Variants in EVC2 observed in about 807,000 individuals in gnomAD.
The protein encoded by EVC2 is limbin.
In EVC2, 148 loss-of-function variants were observed where a neutral mutation model predicts 149.3. The ratio of observed to expected loss-of-function variants is 0.99; its 90% confidence interval spans 0.87 to 1.14. EVC2 has a LOEUF of 1.14. Ranked by LOEUF, EVC2 falls within the 50% of genes most tolerant of loss-of-function variation. EVC2 has a pLI of 0.00. For synonymous variants in EVC2, 776 were observed against 649.9 expected, an observed-to-expected ratio of 1.19 and a Z score of -2.95; for missense variants, 1,854 against 1,627.3, an observed-to-expected ratio of 1.14 and a Z score of -2.40.
At chr4:5,660,284 T>C (rs984553234) in intron 9 of EVC2, among the ~76,000 whole-genome samples, 6 of 152,204 alleles carry the variant, frequency 3.9e-5, no homozygotes, top group African/African-American at 1.4e-4. Flanking sequence ...GCTCCAAGCC[T>C]GGCTCTTCAC....
At chr4:5,695,491 C>T (rs896956397) in intron 2 of EVC2, among the ~76,000 whole-genome samples, 6 of 152,228 alleles carry the variant, frequency 3.9e-5, no homozygotes, top group African/African-American at 1.4e-4. Flanking sequence ...GTCAGGGTCC[C>T]TCTTCAGTGG....
rs775806827 is a variant in EVC2 at position 5,565,367 on chromosome 4, C to A, written c.3558-8G>T. 3 of 1,613,610 alleles carry A rather than the reference C, an allele frequency of 1.9e-6. No homozygotes were observed. The South Asian group carries it at 3.3e-5, about 18-fold the overall frequency. On this transcript the variant is annotated splice_polypyrimidine_tract_variant and splice_region_variant and intron_variant, in intron 20 of 21. Transcript: ENST00000344408. Reference sequence around the variant, plus strand: ...CACCAGCTCTGGTGTTTCCTGCAGGCAAGAAGGGAGTCTTATAGTTTCAAA... The same window carrying A: ...CACCAGCTCTGGTGTTTCCTGCAGGAAAGAAGGGAGTCTTATAGTTTCAAA...
In EVC2 at chr4:5,661,532, C is replaced by T. The variant is rs115592816; in HGVS notation, c.1145+1575G>A. Among the ~76,000 whole-genome samples the T allele has an allele frequency of 1.9e-3, 292 of 152,242 alleles. 1 individual carries two copies. Among genetic ancestry groups the T allele is most frequent in the Middle Eastern group, 6.8e-3 (2 of 294 alleles). On this transcript the variant is annotated intron_variant, in intron 9 of 21. Coordinates refer to ENST00000344408, the MANE Select transcript of EVC2 (RefSeq NM_147127.5). ...CACAGAACGAGGGTACAGATAATAA[C>T]GTCTTCAGTCAGACACTTCAAAATA...
chr4:5,565,120 T>C (rs1308879448), intron 21 of EVC2, 138 bp downstream of exon 21: 6 of 787,662 alleles, frequency 7.6e-6, no homozygotes, highest in Admixed American at 1.9e-5. Flanking sequence ...TGAATAAAGA[T>C]TTGTGGTCTT....
chr4:5,553,281 G>A (rs2369860), intron 21 of EVC2, among the ~76,000 whole-genome samples: 76,581 of 151,922 alleles, frequency 0.5, 21,815 homozygotes, highest in Non-Finnish European at 0.66. Context: ...CAGATCTTGC[G>A]AGCACTCACT....
At position 5,628,562 on chromosome 4, in the gene EVC2, T is replaced by A; in HGVS notation, c.1883A>T (p.Glu628Val). 6.2e-7 allele frequency: 1 copy of A among 1,614,122 alleles called. No homozygotes were observed. Among genetic ancestry groups the A allele is most frequent in the Non-Finnish European group, 8.5e-7 (1 of 1,180,030 alleles). ...AQLTHLIQKH[E>V]RAGYLDEDQM... The stretch of plus-strand genomic sequence containing the variant: ...TTGGGACAGTGTTGAGTGGTACCTC[T>A]CGTGCTTCTGAATGAGGTGAGTCAG... The change falls in exon 12 of 22, where the codon GAG becomes GTG. Residue 628 changes from glutamate to valine, a missense_variant. Coordinates refer to ENST00000344408, the MANE Select transcript of EVC2 (RefSeq NM_147127.5).
In EVC2 at chr4:5,587,957, T is replaced by C. The variant is rs60181268; in HGVS notation, c.2830-3107A>G. On this transcript the variant is annotated intron_variant, in intron 16 of 21. Coordinates refer to ENST00000344408, the MANE Select transcript of EVC2 (RefSeq NM_147127.5). The stretch of plus-strand genomic sequence containing the variant: ...TCTGCCTTTTAGTTTTTACTTCTTC[T>C]TTCTTTGGAGGCAGAAATTGGGCAT... Among the ~76,000 whole-genome samples, 412 of 152,260 alleles carry C rather than the reference T, an allele frequency of 2.7e-3. 2 individuals carry two copies. Among genetic ancestry groups the C allele is most frequent in the African/African-American group, 8.0e-3 (334 of 41,540 alleles).
chr4:5,682,280 C>T (rs1048658007), intron 6 of EVC2, among the ~76,000 whole-genome samples: 2 of 151,986 alleles, frequency 1.3e-5, no homozygotes, highest in African/African-American at 2.4e-5. Context: ...CACCTGAGGT[C>T]AGGAGTTCAA....
intron 19 of EVC2, among the ~76,000 whole-genome samples, chr4:5,574,208 C>A (rs1722788453): frequency 6.6e-6 from 1 of 152,214 alleles, no homozygotes; most frequent in Non-Finnish European, 1.5e-5. Context: ...CTGCATAAGG[C>A]TCCGTGCACA....
intron 7 of EVC2, among the ~76,000 whole-genome samples, chr4:5,666,001 T>C (rs953187732): frequency 1.3e-5 from 2 of 152,228 alleles, no homozygotes; most frequent in African/African-American, 4.8e-5. Flanking sequence ...TGACATTTTC[T>C]GAGAATCACA....
At position 5,663,250 on chromosome 4, in the gene EVC2, C is replaced by A. The variant is rs1719025203; in HGVS notation, c.1006-4G>T. ...GCTTGCTCTCATACTGCCAAACCTT[C>A]AGGAGAATTGCGGAAATAATAATTG... On this transcript the variant is annotated splice_region_variant and splice_polypyrimidine_tract_variant and intron_variant, in intron 8 of 21. Transcript: ENST00000344408. 3.7e-6 allele frequency: 6 copies of A among 1,614,006 alleles called. No individual in the cohort carries two copies. Among genetic ancestry groups the A allele is most frequent in the Non-Finnish European group, 5.1e-6 (6 of 1,179,936 alleles).
intron 21 of EVC2, among the ~76,000 whole-genome samples, chr4:5,551,073 T>G (rs2108759489): frequency 6.6e-6 from 1 of 152,306 alleles, no homozygotes; most frequent in African/African-American, 2.4e-5. Context: ...GGAGAACCTC[T>G]GCCAGGGCAG....
At chr4:5,689,488 T>C (rs536218600) in intron 4 of EVC2, 145 bp from the exon 5 acceptor site, 59 of 803,026 alleles carry the variant, frequency 7.3e-5, no homozygotes, top group South Asian at 5.1e-4. Flanking sequence ...AATTTATCAG[T>C]CTCAGTATGA....
At chr4:5,560,372 G>GA (rs1265039148), downstream of EVC2, among the ~76,000 whole-genome samples, 1 of 152,178 alleles carries the variant, frequency 6.6e-6, no homozygotes. The surrounding 1 kb of genome is among the most constrained non-coding windows in gnomAD (Gnocchi z 4.1). Context: ...AGTTCCACAT[G>GA]ACTGGGAAGG....
At chr4:5,554,167 C>G (rs1721790382) in intron 21 of EVC2, among the ~76,000 whole-genome samples, 1 of 152,180 alleles carries the variant, frequency 6.6e-6, no homozygotes, top group South Asian at 2.1e-4. Flanking sequence ...GTTGAGAAAA[C>G]TGAAAATCAG....
At chr4:5,537,413 G>A in the EVC2 span, among the ~76,000 whole-genome samples, 1 of 152,020 alleles carries the variant, frequency 6.6e-6, no homozygotes, top group East Asian at 1.9e-4. Flanking sequence ...ACACCAGCCG[G>A]GAAATAGTGC....
At chr4:5,599,925 T>C (rs778730732) in intron 16 of EVC2, among the ~76,000 whole-genome samples, 1 of 152,206 alleles carries the variant, frequency 6.6e-6, no homozygotes, top group Non-Finnish European at 1.5e-5. Flanking sequence ...TCAAATGAAA[T>C]ACTATTTTGC....
At chr4:5,703,639 T>C (rs1469202767) in intron 1 of EVC2, among the ~76,000 whole-genome samples, 2 of 152,130 alleles carry the variant, frequency 1.3e-5, no homozygotes, top group East Asian at 3.9e-4. Context: ...ACAAATACTT[T>C]TGATCACCTA....
intron 2 of EVC2, among the ~76,000 whole-genome samples, chr4:5,695,329 C>T (rs1364397432): frequency 7.1e-6 from 1 of 140,552 alleles, no homozygotes; most frequent in Non-Finnish European, 1.5e-5. Flanking sequence ...GTCTGGGCGA[C>T]AGAGCAAGAC....
Sources: allele counts gnomAD v4.1 joint callset (sites outside exome capture counted in the v4.1 genomes callset), GRCh38; gene constraint gnomAD v4.1.1; non-coding constraint Gnocchi (gnomAD v3.1); transcripts MANE v1.5; gene names NCBI Gene and HGNC (gene_info 2026-07-23, HGNC 2026-07-21).